The following ZSCAN2 variants were observed in gnomAD, a reference collection of about 807,000 sequenced individuals.
ZSCAN2 encodes the protein zinc finger and SCAN domain containing 2.
ZSCAN2 carries 26 observed loss-of-function variants against 47.8 expected under a neutral mutation model. The ratio of observed to expected loss-of-function variants is 0.54; its 90% confidence interval spans 0.40 to 0.75. ZSCAN2 has a LOEUF of 0.75. Among genes scored for constraint, ZSCAN2 ranks in the 30% least tolerant of loss-of-function variants. The pLI, the probability that ZSCAN2 is intolerant of heterozygous loss-of-function variation, is 0.00. For missense variants in ZSCAN2, 732 were observed against 785.4 expected (o/e 0.93, Z 0.81); for synonymous variants, 305 against 288.7 (o/e 1.06, Z -0.57).
chr15:84,605,396 G>T (rs1319699719), intron 2 of ZSCAN2, among the ~76,000 whole-genome samples: 1 of 152,224 alleles, frequency 6.6e-6, no homozygotes, highest in Non-Finnish European at 1.5e-5. Context: ...GGTCAGGTCA[G>T]AGAAGGCTTC....
chr15:84,620,078 T>G (rs1303987624), intron 2 of ZSCAN2, among the ~76,000 whole-genome samples: 2 of 152,138 alleles, frequency 1.3e-5, no homozygotes, highest in African/African-American at 4.8e-5. Context: ...CCATTAGCTA[T>G]TCTTCCTGAT....
intron 2 of ZSCAN2, among the ~76,000 whole-genome samples, chr15:84,607,714 G>A (rs1390972281): frequency 1.3e-5 from 2 of 152,000 alleles, no homozygotes; most frequent in Non-Finnish European, 2.9e-5. Context: ...TCACCACGTT[G>A]GTCAGACTGG....
chr15:84,605,016 G>A (rs1473212044), intron 2 of ZSCAN2, among the ~76,000 whole-genome samples: 1 of 152,144 alleles, frequency 6.6e-6, no homozygotes, highest in African/African-American at 2.4e-5. Flanking sequence ...GATTACAGGC[G>A]TGAGTCACCA....
chr15:84,604,929 G>A (rs1370708675), intron 2 of ZSCAN2, among the ~76,000 whole-genome samples: 1 of 151,682 alleles, frequency 6.6e-6, no homozygotes, highest in Admixed American at 6.6e-5. Context: ...GTAGAGATGG[G>A]GCTTCACCAT....
chr15:84,612,030 A>C (rs1054956747), intron 2 of ZSCAN2: 4 of 152,196 alleles, frequency 2.6e-5, no homozygotes, highest in African/African-American at 9.6e-5. Context: ...CATTTTCTTA[A>C]TTGGCCACCA....
chr15:84,616,694 C>T, intron 2 of ZSCAN2: 1 of 1,048,496 alleles, frequency 9.5e-7, no homozygotes, highest in Non-Finnish European at 1.1e-6. Flanking sequence ...GCTAATGTTA[C>T]CTATTCAATT....
In ZSCAN2 at chr15:84,622,237, G is replaced by A; in HGVS notation, c.*197G>A. 2 of 607,884 alleles carry A rather than the reference G, an allele frequency of 3.3e-6. No homozygotes were observed. Among genetic ancestry groups the A allele is most frequent in the East Asian group, 2.8e-5 (1 of 35,132 alleles). The allele number at this position is 607,884 out of a possible 1,614,324, so 37.7% of individuals were successfully genotyped here. On this transcript the variant is annotated 3_prime_UTR_variant, in exon 3 of 3. Transcript: ENST00000546148. Reference sequence around the variant, plus strand: ...CAAGTCCCGTATACATTCAAGAACAGGGCATAGGCGTGGAAGGTCTGGAAA... The same window carrying A: ...CAAGTCCCGTATACATTCAAGAACAAGGCATAGGCGTGGAAGGTCTGGAAA...
chr15:84,604,122 C>A lies in ZSCAN2; in HGVS notation c.195C>A (p.Pro65=), dbSNP rs144189112. 6.2e-7 allele frequency: 1 copy of A among 1,613,942 alleles called. No homozygotes were observed. Among genetic ancestry groups the A allele is most frequent in the African/African-American group, 1.3e-5 (1 of 75,018 alleles). ...CCCAGAGTGCTGGCAAGGGCGGCCC[C>A]CAGGAGGAGGTGACCAGGGGACCAC... ...PFPQSAGKGG[P]QEEVTRGPQG... The change falls in exon 2 of 3, where the codon CCC becomes CCA. Residue 65 remains proline, a synonymous_variant. Transcript: ENST00000546148.
In ZSCAN2 at chr15:84,604,259, A is replaced by G. The variant is rs755510646; in HGVS notation, c.332A>G (p.Gln111Arg). ...MLPKEIQAWL[Q>R]EHRPESSEEA... is the part of the protein sequence containing the mutation. ...CCAAAGGAAATTCAGGCTTGGCTGCAAGAGCATCGGCCTGAAAGCAGTGAG... is the reference window on the plus strand; with the variant it reads ...CCAAAGGAAATTCAGGCTTGGCTGCGAGAGCATCGGCCTGAAAGCAGTGAG... The change falls in exon 2 of 3, where the codon CAA (glutamine) becomes CGA (arginine). Residue 111 changes from glutamine to arginine, a missense_variant. By Grantham distance (43) the Gln-to-Arg change is conservative (BLOSUM62 1). This residue lies in a region of ZSCAN2 where 320 missense variants were observed against 287.4 expected (regional missense o/e 1.11). Coordinates refer to ENST00000546148, the MANE Select transcript of ZSCAN2 (RefSeq NM_181877.4). 1 of 1,614,196 alleles carries G rather than the reference A, an allele frequency of 6.2e-7. No homozygotes were observed. Among genetic ancestry groups the G allele is most frequent in the South Asian group, 1.1e-5 (1 of 91,086 alleles).
chr15:84,610,078 G>A (rs1230803009), intron 2 of ZSCAN2, among the ~76,000 whole-genome samples: 9 of 152,354 alleles, frequency 5.9e-5, no homozygotes, highest in South Asian at 2.1e-4. Flanking sequence ...TACAAGGACC[G>A]TTGGCTGAGA....
intron 2 of ZSCAN2, among the ~76,000 whole-genome samples, chr15:84,611,156 A>G (rs951388181): frequency 2.0e-5 from 3 of 151,914 alleles, no homozygotes; most frequent in East Asian, 1.9e-4. Context: ...TTAGCCGGGC[A>G]TGTGGTGGTG....
rs765141359 is a variant in ZSCAN2, at chr15:84,621,440, G to A, written c.1245G>A (p.Glu415=). The stretch of plus-strand genomic sequence containing the variant: ...CCCACCGGAGAACCCACACAGGAGA[G>A]AAACCCTACCAGTGCAGCGAGTGTG... The part of the protein sequence containing the change: ...LITHRRTHTG[E]KPYQCSECGK... The change falls in exon 3 of 3, where the codon GAG becomes GAA. Residue 415 remains glutamate (E), a synonymous_variant. Coordinates refer to ENST00000546148, the MANE Select transcript of ZSCAN2 (RefSeq NM_181877.4). This position sits in a 1 kb window ranked among gnomAD's most constrained non-coding sequence, Gnocchi z 5.7. The A allele has an allele frequency of 3.7e-6, 6 of 1,614,140 alleles. No homozygotes were observed. The highest frequency in any genetic ancestry group is 3.4e-6 in the Non-Finnish European group (4 of 1,180,028).
At chr15:84,608,911 A>G (rs1467199816) in intron 2 of ZSCAN2, among the ~76,000 whole-genome samples, 1 of 152,212 alleles carries the variant, frequency 6.6e-6, no homozygotes, top group African/African-American at 2.4e-5. Context: ...GCAAATTTGC[A>G]TTTGACAAGA....
chr15:84,605,991 G>A (rs538574200), intron 2 of ZSCAN2, among the ~76,000 whole-genome samples: 3 of 152,342 alleles, frequency 2.0e-5, no homozygotes, highest in East Asian at 3.9e-4. Flanking sequence ...TTGAACTTAT[G>A]TGTGTGAGGA....
rs1895841638 is a variant in ZSCAN2 at position 84,622,665 on chromosome 15, A to C, written c.*625A>C. Reference sequence around the variant, plus strand: ...TTCCAGAAAGTGTCAGGAGCACAGAAACTTGAGGAAGTACAGCCTGGAGCC... The same window carrying C: ...TTCCAGAAAGTGTCAGGAGCACAGACACTTGAGGAAGTACAGCCTGGAGCC... On this transcript the variant is annotated 3_prime_UTR_variant, in exon 3 of 3. Coordinates refer to ENST00000546148, the MANE Select transcript of ZSCAN2 (RefSeq NM_181877.4). 1.4e-6 allele frequency: 1 copy of C among 717,358 alleles called. No homozygotes were observed. Among genetic ancestry groups the C allele is most frequent in the Non-Finnish European group, 2.6e-6 (1 of 385,100 alleles). The allele number at this position is 717,358 out of a possible 1,614,324, so 44.4% of individuals were successfully genotyped here.
chr15:84,620,576 T>A (rs1895792115), intron 2 of ZSCAN2, 26 bp from the exon 3 acceptor site: 5 of 1,560,804 alleles, frequency 3.2e-6, no homozygotes, highest in Non-Finnish European at 4.4e-6. Flanking sequence ...TGAGTAGACA[T>A]TGTATGTTTT....
intron 2 of ZSCAN2, chr15:84,616,485 A>T: frequency 7.1e-7 from 1 of 1,415,956 alleles, no homozygotes; most frequent in Non-Finnish European, 9.2e-7. Context: ...CTCCATGCTT[A>T]TTCATTGCAT....
At chr15:84,616,262 G>T in intron 2 of ZSCAN2, 1 of 929,224 alleles carries the variant, frequency 1.1e-6, no homozygotes, top group Non-Finnish European at 1.8e-6. Flanking sequence ...TAAATACCTT[G>T]GATTAATGTG....
At chr15:84,616,915 A>T (rs1039613737) in intron 2 of ZSCAN2, among the ~76,000 whole-genome samples, 1 of 151,694 alleles carries the variant, frequency 6.6e-6, no homozygotes, top group Admixed American at 6.6e-5. Flanking sequence ...CTGAGGTTGG[A>T]AGTTCGAGAC....
Sources: gnomAD v4.1 joint callset for allele counts (sites outside exome capture counted in the v4.1 genomes callset) on GRCh38, gnomAD v4.1.1 for gene constraint, gnomAD v4.1.1 regional missense constraint, Gnocchi (gnomAD v3.1) non-coding constraint, MANE v1.5 for transcripts, NCBI Gene and HGNC (gene_info 2026-07-23, HGNC 2026-07-21) for gene names.